The following SLC2A13 variants were observed in gnomAD, a reference collection of about 807,000 sequenced individuals.
SLC2A13 encodes proton myo-inositol cotransporter.
SLC2A13 carries 32 observed loss-of-function variants against 64.4 expected under a neutral mutation model. The ratio of observed to expected loss-of-function variants is 0.50; its 90% confidence interval spans 0.37 to 0.67. The LOEUF (loss-of-function observed/expected upper bound fraction) is 0.67. Ranked by LOEUF, SLC2A13 falls within the 30% of genes least tolerant of loss-of-function variation. The pLI, the probability that SLC2A13 is intolerant of heterozygous loss-of-function variation, is 0.00. For synonymous variants in SLC2A13, 338 were observed against 327.1 expected (o/e 1.03, Z -0.36); for missense variants, 743 against 829.2 (o/e 0.90, Z 1.28).
At chr12:40,013,299 C>G (rs1947564016) in intron 3 of SLC2A13, among the ~76,000 whole-genome samples, 1 of 152,154 alleles carries the variant, frequency 6.6e-6, no homozygotes, top group Non-Finnish European at 1.5e-5. Flanking sequence ...CTTGTTACCA[C>G]CCTCTTTTCA....
Position 39,969,158 on chromosome 12 carries a change from A to C in SLC2A13, c.926-17793T>G, listed in dbSNP as rs377514999. On this transcript the variant is annotated intron_variant, in intron 3 of 9. Transcript: ENST00000280871. ...CCTTTTTTATGGCTGCATAGTATTC[A>C]ATGGTGTATATGTGCCACATTTTCT... Among the ~76,000 whole-genome samples the C allele has an allele frequency of 3.0e-3, 457 of 152,142 alleles. 1 individual carries two copies. Among genetic ancestry groups the C allele is most frequent in the African/African-American group, 9.6e-3 (400 of 41,496 alleles).
At chr12:39,822,835 C>T (rs556493038) in intron 7 of SLC2A13, among the ~76,000 whole-genome samples, 1 of 152,292 alleles carries the variant, frequency 6.6e-6, no homozygotes, top group African/African-American at 2.4e-5. Context: ...ATGAATATCG[C>T]TACTTGGATA....
chr12:39,946,957 C>G (rs1406439532), intron 4 of SLC2A13, among the ~76,000 whole-genome samples: 1 of 152,172 alleles, frequency 6.6e-6, no homozygotes, highest in East Asian at 1.9e-4. Context: ...GCTCCTCTGG[C>G]CACTCTCCTG....
chr12:39,774,150 T>C (rs1008042639), intron 7 of SLC2A13, among the ~76,000 whole-genome samples: 5 of 152,164 alleles, frequency 3.3e-5, no homozygotes, highest in Non-Finnish European at 5.9e-5. Context: ...AATTTGAGGG[T>C]AGTGGTGAAA....
rs766542039 is a variant in SLC2A13 at position 39,797,310 on chromosome 12, T to A, written c.1446-32452A>T. Among the ~76,000 whole-genome samples the A allele has an allele frequency of 5.8e-4, 89 of 152,332 alleles. 1 individual carries two copies. The highest frequency in any genetic ancestry group is 1.1e-3 in the Non-Finnish European group (78 of 68,034). On this transcript the variant is annotated intron_variant, in intron 7 of 9. Transcript: ENST00000280871. Reference sequence around the variant, plus strand: ...TAAGTACATTGAAAAATGCTAACATTTTCAGCATACACTGAACTTATTTTG... The same window carrying A: ...TAAGTACATTGAAAAATGCTAACATATTCAGCATACACTGAACTTATTTTG...
chr12:39,969,598 CTTTT>C (rs1190220936), intron 3 of SLC2A13, among the ~76,000 whole-genome samples: 1 of 152,208 alleles, frequency 6.6e-6, no homozygotes, highest in African/African-American at 2.4e-5. Context: ...TAAATGTCTT[CTTTT>C]GAGAAGTGTC....
At chr12:39,846,199 G>A (rs1055593334) in intron 6 of SLC2A13, among the ~76,000 whole-genome samples, 1 of 152,060 alleles carries the variant, frequency 6.6e-6, no homozygotes, top group Non-Finnish European at 1.5e-5. Flanking sequence ...AAAAACCAAG[G>A]TGGTGAATAC....
intron 3 of SLC2A13, among the ~76,000 whole-genome samples, chr12:39,991,051 T>G (rs148209265): frequency 2.0e-5 from 3 of 152,290 alleles, no homozygotes; most frequent in Non-Finnish European, 4.4e-5. Context: ...CCTGTACTGG[T>G]CCACAGAGAA....
At chr12:40,103,909 G>C (rs1939220155) in intron 1 of SLC2A13, among the ~76,000 whole-genome samples, 1 of 152,200 alleles carries the variant, frequency 6.6e-6, no homozygotes. Flanking sequence ...GTTACGGAGA[G>C]CTTTGCCCTA....
At position 39,755,904 on chromosome 12, in the gene SLC2A13, T is replaced by G. The variant is rs562062352; in HGVS notation, c.*4122A>C. The G allele has an allele frequency of 2.0e-5, 3 of 152,088 alleles. No homozygotes were observed. The South Asian group carries it at 6.2e-4, about 32-fold the overall frequency. The allele number at this position is 152,088 out of a possible 1,614,324, so 9.4% of individuals were successfully genotyped here. A position where few individuals can be genotyped will look rare whatever the true frequency, so the allele number is the denominator to read the frequency against. ...AACATCAACACTCTTATAAAACACC[T>G]CTTTGATGATTACTGGCACACAAAA... On this transcript the variant is annotated 3_prime_UTR_variant, in exon 10 of 10. Transcript: ENST00000280871.
At chr12:40,004,052 T>C (rs941577227) in intron 3 of SLC2A13, among the ~76,000 whole-genome samples, 3 of 151,786 alleles carry the variant, frequency 2.0e-5, no homozygotes, top group African/African-American at 7.3e-5. Flanking sequence ...AAATACAAAA[T>C]ACAAATTTAA....
chr12:39,959,351 T>A (rs1169353130), intron 3 of SLC2A13, among the ~76,000 whole-genome samples: 1 of 152,220 alleles, frequency 6.6e-6, no homozygotes, highest in African/African-American at 2.4e-5. Context: ...CATTCCAAAA[T>A]CCTCCAAGGC....
At chr12:39,828,598 A>T (rs1942756528) in intron 7 of SLC2A13, among the ~76,000 whole-genome samples, 1 of 152,172 alleles carries the variant, frequency 6.6e-6, no homozygotes, top group Non-Finnish European at 1.5e-5. Context: ...TTTACTACTT[A>T]GTAGAGTTCT....
intron 7 of SLC2A13, among the ~76,000 whole-genome samples, chr12:39,796,077 C>T (rs1403765308): frequency 6.6e-6 from 1 of 152,204 alleles, no homozygotes; most frequent in East Asian, 1.9e-4. Flanking sequence ...TACTAATCTA[C>T]TCTGTGTATG....
At chr12:39,777,663 G>T (rs149111835) in intron 7 of SLC2A13, among the ~76,000 whole-genome samples, 2 of 152,104 alleles carry the variant, frequency 1.3e-5, no homozygotes, top group African/African-American at 2.4e-5. Flanking sequence ...GCTGGATGTC[G>T]AGAGAAGCAC....
intron 4 of SLC2A13, among the ~76,000 whole-genome samples, chr12:39,895,517 TATATATATATA>T (rs1944735295): frequency 2.2e-3 from 2 of 926 alleles, no homozygotes; most frequent in East Asian, 0.071. Flanking sequence ...AAAAAAATTA[TATATATATATA>T]TATATATATA....
intron 7 of SLC2A13, among the ~76,000 whole-genome samples, chr12:39,794,123 C>CAAAA (rs36179669): frequency 1.3e-5 from 1 of 78,372 alleles, no homozygotes; most frequent in African/African-American, 5.1e-5. Context: ...GGCCAAATTG[C>CAAAA]AAAAAAAAAA....
intron 6 of SLC2A13, among the ~76,000 whole-genome samples, chr12:39,858,331 T>C (rs1000415720): frequency 2.0e-5 from 3 of 152,226 alleles, no homozygotes; most frequent in Non-Finnish European, 4.4e-5. Flanking sequence ...TAGATATTAG[T>C]AACACATACA....
Position 40,017,145 on chromosome 12 carries a change from C to T in SLC2A13, c.925+11156G>A, listed in dbSNP as rs185860880. Among the ~76,000 whole-genome samples the T allele has an allele frequency of 2.3e-3, 352 of 152,288 alleles. 1 individual carries two copies. Among genetic ancestry groups the T allele is most frequent in the Non-Finnish European group, 9.8e-4 (67 of 68,022 alleles). ...ATCTCAGGAGTCAAAGATCAGACATCACCATCCACTCCTCTCACGTAAACA... is the reference window on the plus strand; with the variant it reads ...ATCTCAGGAGTCAAAGATCAGACATTACCATCCACTCCTCTCACGTAAACA... On this transcript the variant is annotated intron_variant, in intron 3 of 9. Transcript: ENST00000280871.
Sources: gnomAD v4.1 joint callset for allele counts (sites outside exome capture counted in the v4.1 genomes callset) on GRCh38, gnomAD v4.1.1 for gene constraint, MANE v1.5 for transcripts, NCBI Gene and HGNC (gene_info 2026-07-23, HGNC 2026-07-21) for gene names.